Variants in LAMB4 observed in about 807,000 individuals in gnomAD.
LAMB4 encodes the protein laminin subunit beta-4.
In LAMB4, 196 loss-of-function variants were observed where a neutral mutation model predicts 199.2. The observed-to-expected ratio is 0.98, with a 90% CI of 0.88 to 1.11. The LOEUF (loss-of-function observed/expected upper bound fraction) is 1.11, where lower values mean the gene tolerates loss of function less well. Among genes scored for constraint, LAMB4 ranks in the 50% least tolerant of loss-of-function variants. LAMB4 has a pLI of 0.00. For synonymous variants in LAMB4, 744 were observed against 770.6 expected (o/e 0.97, Z 0.57); for missense variants, 2,080 against 2,171.2 (o/e 0.96, Z 0.83).
At chr7:108,116,240 G>A (rs190494529) in intron 2 of LAMB4, 79 bp from the exon 3 acceptor site, 2 of 1,313,540 alleles carry the variant, frequency 1.5e-6, no homozygotes, top group Non-Finnish European at 1.0e-6. Context: ...TGGTTAAGGG[G>A]GAAAGTTATG....
intron 14 of LAMB4, among the ~76,000 whole-genome samples, chr7:108,091,204 G>T (rs1167688796): frequency 2.0e-5 from 3 of 151,998 alleles, no homozygotes; most frequent in Admixed American, 2.0e-4. Context: ...TTCCTACAGT[G>T]TGTCAGGCAC....
At chr7:108,072,848 AAACCAAGT>A (rs1282329425) in intron 17 of LAMB4, among the ~76,000 whole-genome samples, 1 of 152,216 alleles carries the variant, frequency 6.6e-6, no homozygotes, top group Non-Finnish European at 1.5e-5. Flanking sequence ...CTCCAAACAC[AAACCAAGT>A]GGGGAGAGAT....
chr7:108,073,451 T>C (rs1409014842), intron 17 of LAMB4, among the ~76,000 whole-genome samples: 2 of 152,248 alleles, frequency 1.3e-5, no homozygotes, highest in African/African-American at 4.8e-5. Flanking sequence ...TTTTTTACTC[T>C]AAACACAGTT....
intron 2 of LAMB4, among the ~76,000 whole-genome samples, chr7:108,118,349 C>T (rs553270916): frequency 1.7e-4 from 26 of 151,616 alleles, no homozygotes; most frequent in African/African-American, 2.4e-4. Context: ...AAAATAAAGG[C>T]GAAGGAATAG....
At chr7:108,040,454 C>CA (rs1385885678) in intron 29 of LAMB4, among the ~76,000 whole-genome samples, 1 of 152,164 alleles carries the variant, frequency 6.6e-6, no homozygotes, top group Non-Finnish European at 1.5e-5. Context: ...CTAGCCAAGG[C>CA]AATCCTAAGC....
In LAMB4 at chr7:108,029,186, T is replaced by C. The variant is rs778010657; in HGVS notation, c.5003A>G (p.Glu1668Gly). 6.2e-7 allele frequency: 1 copy of C among 1,611,868 alleles called. No homozygotes were observed. Among genetic ancestry groups the C allele is most frequent in the Non-Finnish European group, 8.5e-7 (1 of 1,179,434 alleles). Reference protein sequence around the residue: ...QAGSLEKEFVELKKQYAILQR... With the variant: ...QAGSLEKEFVGLKKQYAILQR... ...GAGAATAGCATATTGTTTTTTCAGC[T>C]CAACAAATTCCTGTAACAAGCAACA... Residue 1668 changes from glutamate (E) to glycine (G), a missense_variant, in exon 33 of 34, where the codon GAG becomes GGG. Transcript: ENST00000388781.
At chr7:108,057,132 C>A (rs1022836198) in intron 24 of LAMB4, among the ~76,000 whole-genome samples, 9 of 152,162 alleles carry the variant, frequency 5.9e-5, no homozygotes, top group Non-Finnish European at 1.0e-4. Flanking sequence ...CACCTGGAGG[C>A]CATTTCCCAT....
rs2036340465 is a variant in LAMB4, at chr7:108,066,349, A to T, written c.2678+20T>A. The T allele has an allele frequency of 6.4e-7, 1 of 1,567,772 alleles. No individual in the cohort carries two copies. The highest frequency in any genetic ancestry group is 8.8e-7 in the Non-Finnish European group (1 of 1,139,456). Reference sequence around the variant, plus strand: ...AAAGTGTTAAAGACCTAAAAATTAAAGTGCATATGAATTCCATACCTTTCA... The same window carrying T: ...AAAGTGTTAAAGACCTAAAAATTAATGTGCATATGAATTCCATACCTTTCA... On this transcript the variant is annotated intron_variant, in intron 20 of 33. Coordinates refer to ENST00000388781, the MANE Select transcript of LAMB4 (RefSeq NM_007356.3).
Position 108,082,657 on chromosome 7 carries a change from G to T in LAMB4, c.1702-2871C>A, listed in dbSNP as rs529313008. ...AATTCTTGAATATATATAATGGAAT[G>T]AACCTGCTTTGCAGTTGGCACTGGT... On this transcript the variant is annotated intron_variant, in intron 14 of 33. Coordinates refer to ENST00000388781, the MANE Select transcript of LAMB4 (RefSeq NM_007356.3). Among the ~76,000 whole-genome samples the T allele has an allele frequency of 3.9e-5, 6 of 152,296 alleles. No individual in the cohort carries two copies. In the South Asian group the frequency reaches 1.2e-3, roughly 32 times the overall value.
At chr7:108,091,401 C>A (rs1031294089) in intron 14 of LAMB4, among the ~76,000 whole-genome samples, 1 of 152,110 alleles carries the variant, frequency 6.6e-6, no homozygotes, top group Non-Finnish European at 1.5e-5. Context: ...CATTTATGGG[C>A]CAGATCCTGT....
intron 31 of LAMB4, 55 bp downstream of exon 31, chr7:108,034,153 G>A (rs1019940266): frequency 4.6e-6 from 7 of 1,538,298 alleles, no homozygotes; most frequent in African/African-American, 2.7e-5. Flanking sequence ...AAAAAGCACT[G>A]TGTTGTTTTT....
At position 108,040,214 on chromosome 7, in the gene LAMB4, G is replaced by T. The variant is rs544182229; in HGVS notation, c.4472-2619C>A. On this transcript the variant is annotated intron_variant, in intron 29 of 33. Coordinates refer to ENST00000388781, the MANE Select transcript of LAMB4 (RefSeq NM_007356.3). Reference sequence around the variant, plus strand: ...AATACAGCTAACCAGGGAGGTGAAAGATCTCTACAGGGAGAACTACAAAAC... The same window carrying T: ...AATACAGCTAACCAGGGAGGTGAAATATCTCTACAGGGAGAACTACAAAAC... Among the ~76,000 whole-genome samples, 4 of 152,250 alleles carry T rather than the reference G, an allele frequency of 2.6e-5. No homozygotes were observed. The East Asian group carries it at 5.8e-4, about 22-fold the overall frequency.
At chr7:108,058,373 G>A (rs1185975761) in intron 23 of LAMB4, among the ~76,000 whole-genome samples, 1 of 152,120 alleles carries the variant, frequency 6.6e-6, no homozygotes, top group Non-Finnish European at 1.5e-5. Context: ...TTAGCGTTTT[G>A]CTCAAAAAAA....
At chr7:108,019,738 G>A (rs1488253926), downstream of LAMB4, among the ~76,000 whole-genome samples, 1 of 152,114 alleles carries the variant, frequency 6.6e-6, no homozygotes, top group African/African-American at 2.4e-5. Context: ...AAGGAAGAAG[G>A]AGTAGAATGG....
intron 29 of LAMB4, among the ~76,000 whole-genome samples, chr7:108,043,465 A>G (rs1031779952): frequency 7.3e-5 from 11 of 151,364 alleles, no homozygotes; most frequent in Middle Eastern, 3.5e-3. Context: ...CTCATTAAGG[A>G]ATTAAAAACC....
intron 26 of LAMB4, among the ~76,000 whole-genome samples, chr7:108,050,185 T>C (rs1370828239): frequency 6.6e-6 from 1 of 152,238 alleles, no homozygotes; most frequent in Non-Finnish European, 1.5e-5. Flanking sequence ...GGATTCACCC[T>C]GATGCTGCGG....
intron 3 of LAMB4, among the ~76,000 whole-genome samples, chr7:108,115,544 G>A (rs1045813702): frequency 1.3e-5 from 2 of 152,118 alleles, no homozygotes; most frequent in African/African-American, 4.8e-5. Context: ...GGTGGTGCAT[G>A]CCTGTATTTT....
intron 14 of LAMB4, among the ~76,000 whole-genome samples, chr7:108,083,232 A>G (rs2037026287): frequency 6.6e-6 from 1 of 152,264 alleles, no homozygotes; most frequent in Admixed American, 6.5e-5. Flanking sequence ...GTGTATGTTC[A>G]CAGTCTTGCT....
intron 1 of LAMB4, among the ~76,000 whole-genome samples, chr7:108,124,335 T>G (rs1200668714): frequency 6.6e-6 from 1 of 152,218 alleles, no homozygotes; most frequent in Non-Finnish European, 1.5e-5. Context: ...AATATTTTCC[T>G]ATTATAAATA....
Sources: gnomAD v4.1 joint callset for allele counts (sites outside exome capture counted in the v4.1 genomes callset) on GRCh38, gnomAD v4.1.1 for gene constraint, MANE v1.5 for transcripts, NCBI Gene and HGNC (gene_info 2026-07-23, HGNC 2026-07-21) for gene names.